Variants in SDK1 observed in about 807,000 individuals in gnomAD.
SDK1 encodes sidekick cell adhesion molecule 1, also known as protein sidekick-1.
SDK1 carries 157 observed loss-of-function variants against 245.5 expected under a neutral mutation model. The ratio of observed to expected loss-of-function variants is 0.64; its 90% confidence interval spans 0.56 to 0.73. SDK1 has a LOEUF of 0.73. Among genes scored for constraint, SDK1 ranks in the 30% least tolerant of loss-of-function variants. SDK1 has a pLI of 0.00. For synonymous variants in SDK1, 1,647 were observed against 1,278.5 expected (o/e 1.29, Z -6.15); for missense variants, 3,583 against 3,002.3 (o/e 1.19, Z -4.52).
chr7:3,585,276 T>G (rs1780648062), intron 1 of SDK1, among the ~76,000 whole-genome samples: 1 of 152,182 alleles, frequency 6.6e-6, no homozygotes, highest in African/African-American at 2.4e-5. Context: ...TAAGAGTGGC[T>G]GGTTTTGTAA....
chr7:3,497,814 A>G (rs902028645), intron 1 of SDK1, among the ~76,000 whole-genome samples: 2 of 152,210 alleles, frequency 1.3e-5, no homozygotes, highest in Admixed American at 6.5e-5. Flanking sequence ...AATTTGACAG[A>G]CAAACACTGT....
At chr7:4,242,711 G>C (rs1786606176) in intron 43 of SDK1, among the ~76,000 whole-genome samples, 1 of 152,216 alleles carries the variant, frequency 6.6e-6, no homozygotes, top group African/African-American at 2.4e-5. Context: ...CCTTGGATTA[G>C]ACTCAGCTGC....
At chr7:4,099,515 G>T (rs1387722519) in intron 22 of SDK1, among the ~76,000 whole-genome samples, 3 of 108,022 alleles carry the variant, frequency 2.8e-5, no homozygotes, top group Non-Finnish European at 5.7e-5. Context: ...CAGATGCCCA[G>T]CCCCAGTGAC....
chr7:3,340,727 C>T (rs1330392496), intron 1 of SDK1, among the ~76,000 whole-genome samples: 1 of 147,674 alleles, frequency 6.8e-6, no homozygotes, highest in African/African-American at 2.5e-5. Context: ...TGGACCACTG[C>T]ACTCCCTGGA....
chr7:4,254,137 G>A (rs1215860985), intron 44 of SDK1, among the ~76,000 whole-genome samples: 2 of 151,790 alleles, frequency 1.3e-5, no homozygotes, highest in African/African-American at 4.8e-5. Context: ...GTAGATTAAT[G>A]ATTTTTATCA....
intron 1 of SDK1, among the ~76,000 whole-genome samples, chr7:3,429,082 AT>A (rs1047364670): frequency 3.3e-5 from 5 of 152,164 alleles, no homozygotes; most frequent in African/African-American, 1.2e-4. Flanking sequence ...AAGTAGTCAA[AT>A]TTGAAAGTTG....
chr7:4,112,299 G>T (rs184968523), intron 23 of SDK1, among the ~76,000 whole-genome samples: 20 of 152,288 alleles, frequency 1.3e-4, no homozygotes, highest in African/African-American at 4.8e-4. Context: ...AGTTTCTGAT[G>T]AGCCTTTCCA....
At chr7:3,381,549 G>A (rs1293387189) in intron 1 of SDK1, among the ~76,000 whole-genome samples, 3 of 152,124 alleles carry the variant, frequency 2.0e-5, no homozygotes, top group Non-Finnish European at 4.4e-5. Flanking sequence ...GCCTTTTTGT[G>A]TTGGTTGTTT....
rs369912535 is a variant in SDK1 at position 3,498,397 on chromosome 7, C to T, written c.299-120683C>T. On this transcript the variant is annotated intron_variant, in intron 1 of 44. Transcript: ENST00000404826. ...TTCTAGACGTGAGCTCATTACCTGA[C>T]CTTTTAGAGTCTTGGTTTTCTCATC... is the stretch of plus-strand genomic sequence containing the variant. Among the ~76,000 whole-genome samples, 20 of 152,178 alleles carry T rather than the reference C, an allele frequency of 1.3e-4. No individual in the cohort carries two copies. The South Asian group carries it at 2.3e-3, about 17-fold the overall frequency.
chr7:3,410,430 T>G (rs1336789473), intron 1 of SDK1, among the ~76,000 whole-genome samples: 1 of 152,120 alleles, frequency 6.6e-6, no homozygotes, highest in Non-Finnish European at 1.5e-5. Context: ...TCTGAAAATA[T>G]CAGAAATCAA....
intron 4 of SDK1, among the ~76,000 whole-genome samples, chr7:3,805,094 A>G (rs1417774591): frequency 6.6e-6 from 1 of 152,260 alleles, no homozygotes; most frequent in East Asian, 1.9e-4. Flanking sequence ...TCACCATTTC[A>G]CAAGGTACTC....
At chr7:3,871,871 C>G (rs1331605709) in intron 5 of SDK1, among the ~76,000 whole-genome samples, 5 of 152,206 alleles carry the variant, frequency 3.3e-5, no homozygotes, top group Admixed American at 2.0e-4. Context: ...AAAACCACCT[C>G]TCCTTATTCC....
At chr7:3,514,879 T>G (rs1782690758) in intron 1 of SDK1, among the ~76,000 whole-genome samples, 1 of 152,148 alleles carries the variant, frequency 6.6e-6, no homozygotes, top group African/African-American at 2.4e-5. Context: ...CGTGCATGCG[T>G]GCGCTCTCTC....
chr7:3,748,048 A>G (rs1779675352), intron 4 of SDK1, among the ~76,000 whole-genome samples: 1 of 152,090 alleles, frequency 6.6e-6, no homozygotes, highest in African/African-American at 2.4e-5. Context: ...CACAGTTACT[A>G]TATGTGTTAT....
intron 1 of SDK1, among the ~76,000 whole-genome samples, chr7:3,502,569 G>A (rs16870870): frequency 0.23 from 34,803 of 152,050 alleles, 4,322 homozygotes; most frequent in East Asian, 0.32. Flanking sequence ...ATTTTTAATA[G>A]CACCCCTAAT....
chr7:3,424,205 C>T (rs1009461507), intron 1 of SDK1, among the ~76,000 whole-genome samples: 1 of 152,162 alleles, frequency 6.6e-6, no homozygotes, highest in African/African-American at 2.4e-5. Flanking sequence ...AGCCACCATG[C>T]CCGGCCATAC....
intron 19 of SDK1, among the ~76,000 whole-genome samples, chr7:4,058,518 T>G (rs1245247680): frequency 1.3e-5 from 2 of 152,150 alleles, no homozygotes; most frequent in Non-Finnish European, 2.9e-5. Context: ...AATAAATAGA[T>G]ACTATTCAGA....
At chr7:3,509,120 TACTC>T (rs1435073902) in intron 1 of SDK1, among the ~76,000 whole-genome samples, 1 of 151,830 alleles carries the variant, frequency 6.6e-6, no homozygotes, top group African/African-American at 2.4e-5. Context: ...ATGCGTGTGA[TACTC>T]AGACACACAG....
chr7:3,430,378 C>G (rs7800089), intron 1 of SDK1, among the ~76,000 whole-genome samples: 115,210 of 152,002 alleles, frequency 0.76, 43,959 homozygotes, highest in African/African-American at 0.84. Flanking sequence ...AGACTACAAG[C>G]GTATTTCACA....
Sources: gnomAD v4.1 joint callset for allele counts (sites outside exome capture counted in the v4.1 genomes callset) on GRCh38, gnomAD v4.1.1 for gene constraint, MANE v1.5 for transcripts, NCBI Gene and HGNC (gene_info 2026-07-23, HGNC 2026-07-21) for gene names.